Variants in DMD observed in about 807,000 individuals in gnomAD.
DMD encodes dystrophin, also known as mutant dystrophin.
In DMD, 63 loss-of-function variants were observed where a neutral mutation model predicts 330.1. The observed-to-expected ratio is 0.19, with a 90% CI of 0.16 to 0.24. DMD has a LOEUF of 0.24. Ranked by LOEUF, DMD falls within the 10% of genes least tolerant of loss-of-function variation. DMD has a pLI of 1.00. For missense variants in DMD, 3,344 were observed against 2,684.1 expected (o/e 1.25, Z -5.43); for synonymous variants, 1,223 against 959.8 (o/e 1.27, Z -5.07).
At chrX:33,293,130 T>G (rs919810705) in intron 1 of DMD, among the ~76,000 whole-genome samples, 1 of 111,523 alleles carries the variant, frequency 9.0e-6, no homozygotes, top group Non-Finnish European at 1.9e-5. Flanking sequence ...TATTTGATTT[T>G]TATCTTTTCT....
intron 27 of DMD, among the ~76,000 whole-genome samples, chrX:32,442,777 G>A (rs1038755929): frequency 1.9e-4 from 21 of 110,313 alleles, no homozygotes; most frequent in Admixed American, 5.8e-4. Context: ...AAAATATACC[G>A]TCATCTTTAA....
At chrX:32,978,556 G>A (rs1007965307) in intron 2 of DMD, among the ~76,000 whole-genome samples, 6 of 110,193 alleles carry the variant, frequency 5.4e-5, no homozygotes, top group Non-Finnish European at 9.5e-5. Flanking sequence ...TGCAACCTCC[G>A]CCTCCCAGGC....
At chrX:32,056,390 T>TAA (rs34726053) in intron 44 of DMD, among the ~76,000 whole-genome samples, 37 of 47,544 alleles carry the variant, frequency 7.8e-4, no homozygotes, top group Non-Finnish European at 9.6e-4. Context: ...GTAGATTAAG[T>TAA]AAAAAAAAAA....
intron 15 of DMD, among the ~76,000 whole-genome samples, chrX:32,568,733 G>A (rs764723226): frequency 1.8e-5 from 2 of 110,465 alleles, no homozygotes; most frequent in African/African-American, 3.3e-5. Flanking sequence ...CTGTCTTTCA[G>A]TAGTCATCTC....
chrX:31,505,823 G>A (rs764091896), intron 56 of DMD, among the ~76,000 whole-genome samples: 6 of 110,427 alleles, frequency 5.4e-5, no homozygotes, highest in Non-Finnish European at 1.1e-4. Context: ...TGGTAGAGAC[G>A]GGATTTCACC....
chrX:31,566,871 T>G, intron 55 of DMD, among the ~76,000 whole-genome samples: 1 of 111,997 alleles, frequency 8.9e-6, no homozygotes, highest in Non-Finnish European at 1.9e-5. Flanking sequence ...TAAATGGTGT[T>G]GTGTTTTTAA....
At chrX:31,350,630 TGTGA>T (rs1337399690) in intron 60 of DMD, among the ~76,000 whole-genome samples, 16 of 47,479 alleles carry the variant, frequency 3.4e-4, no homozygotes, top group East Asian at 1.3e-3. Flanking sequence ...TGTGTGTGTG[TGTGA>T]GAGAGAGAGA....
chrX:32,773,168 G>A (rs1000545347), intron 7 of DMD, among the ~76,000 whole-genome samples: 1 of 112,020 alleles, frequency 8.9e-6, no homozygotes, highest in African/African-American at 3.2e-5. Context: ...TGTTTCTATG[G>A]TATTCATTCA....
chrX:32,870,532 A>C (rs909508888), intron 2 of DMD, among the ~76,000 whole-genome samples: 1 of 112,093 alleles, frequency 8.9e-6, no homozygotes, highest in Non-Finnish European at 1.9e-5. Context: ...ACTTCAGACT[A>C]TACTACCCAA....
At chrX:31,590,360 T>C (rs1439430059) in intron 55 of DMD, among the ~76,000 whole-genome samples, 1 of 111,420 alleles carries the variant, frequency 9.0e-6, no homozygotes. Flanking sequence ...ATTCTTCCAA[T>C]GCAAAAAGGT....
intron 1 of DMD, among the ~76,000 whole-genome samples, chrX:33,081,676 T>C (rs2094932388): frequency 8.9e-6 from 1 of 112,159 alleles, no homozygotes; most frequent in African/African-American, 3.2e-5. Context: ...GATCTCCCAG[T>C]GGAGGGTGAG....
rs2067958322 is a variant in DMD, at chrX:31,478,249, T to A, written c.8794A>T (p.Thr2932Ser). ...TGAAGTTCCCGGAGTCTTTCAAGGG[T>A]CTCATCTATTTTTCTCTGCCAGTCA... ...SADWQRKIDE[T>S]LERLRELQEA... Residue 2932 changes from threonine to serine, a missense_variant, in exon 59 of 79, where the codon ACC (threonine) becomes TCC (serine). Physicochemically the swap from Thr to Ser is moderately conservative, Grantham distance 58. Transcript: ENST00000357033. 1 of 1,210,837 alleles carries A rather than the reference T, an allele frequency of 8.3e-7. No homozygotes were observed. Among genetic ancestry groups the A allele is most frequent in the Non-Finnish European group, 1.1e-6 (1 of 895,331 alleles).
At chrX:32,716,496 T>A (rs900024029) in intron 7 of DMD, among the ~76,000 whole-genome samples, 5 of 111,632 alleles carry the variant, frequency 4.5e-5, no homozygotes, top group Non-Finnish European at 7.5e-5. Context: ...GTAAACCTCT[T>A]ATCTTTACAA....
chrX:32,781,129 A>AAC (rs1482615348), intron 7 of DMD, among the ~76,000 whole-genome samples: 1 of 103,156 alleles, frequency 9.7e-6, no homozygotes, highest in East Asian at 3.0e-4. Flanking sequence ...AAAAAAGAAA[A>AAC]AAAAAAAAAA....
chrX:33,098,547 T>G (rs1479258423), intron 1 of DMD, among the ~76,000 whole-genome samples: 1 of 110,905 alleles, frequency 9.0e-6, no homozygotes, highest in Non-Finnish European at 1.9e-5. Flanking sequence ...ATAACTTGAG[T>G]GCTTTTCAAA....
chrX:33,327,903 G>C (rs2054112123), intron 1 of DMD, among the ~76,000 whole-genome samples: 1 of 111,779 alleles, frequency 8.9e-6, no homozygotes, highest in African/African-American at 3.2e-5. Context: ...CCAAAGATTA[G>C]CTAAAATAAC....
At chrX:33,172,321 CATA>C (rs1418929008) in intron 1 of DMD, among the ~76,000 whole-genome samples, 1 of 111,293 alleles carries the variant, frequency 9.0e-6, no homozygotes, top group African/African-American at 3.3e-5. Flanking sequence ...TCAAAGATAC[CATA>C]ATAAGTTTTT....
chrX:31,768,919 G>A (rs2090168435), intron 51 of DMD, among the ~76,000 whole-genome samples: 1 of 111,094 alleles, frequency 9.0e-6, no homozygotes, highest in Non-Finnish European at 1.9e-5. Context: ...TTTTTAAATG[G>A]CTGTATTCTT....
intron 1 of DMD, among the ~76,000 whole-genome samples, chrX:33,267,355 A>T (rs1263666256): frequency 9.0e-6 from 1 of 111,007 alleles, no homozygotes; most frequent in African/African-American, 3.3e-5. Flanking sequence ...TTGTTGAAAG[A>T]AACACAGATA....
Sources: gnomAD v4.1 joint callset for allele counts (sites outside exome capture counted in the v4.1 genomes callset) on GRCh38, gnomAD v4.1.1 for gene constraint, MANE v1.5 for transcripts, NCBI Gene and HGNC (gene_info 2026-07-23, HGNC 2026-07-21) for gene names.